The following UXS1 variants were observed in gnomAD, a reference collection of about 807,000 sequenced individuals.
The protein encoded by UXS1 is UDP-glucuronic acid decarboxylase 1.
In UXS1, 33 loss-of-function variants were observed where a neutral mutation model predicts 62.6. The observed-to-expected ratio is 0.53, with a 90% CI of 0.40 to 0.70. The LOEUF (loss-of-function observed/expected upper bound fraction) is 0.70. Ranked by LOEUF, UXS1 falls within the 30% of genes least tolerant of loss-of-function variation. The pLI, the probability that UXS1 is intolerant of heterozygous loss-of-function variation, is 0.00. For missense variants in UXS1, 434 were observed against 556.3 expected (o/e 0.78, Z 2.21); for synonymous variants, 213 against 206.8 (o/e 1.03, Z -0.26).
chr2:106,186,095 T>C (rs905405625), intron 1 of UXS1, among the ~76,000 whole-genome samples: 1 of 152,158 alleles, frequency 6.6e-6, no homozygotes, highest in Non-Finnish European at 1.5e-5. Flanking sequence ...TTTACAAAAT[T>C]AGAAAATCAC....
chr2:106,120,460 C>T (rs1351776187), intron 9 of UXS1, among the ~76,000 whole-genome samples: 1 of 152,186 alleles, frequency 6.6e-6, no homozygotes, highest in Non-Finnish European at 1.5e-5. Context: ...AATATCACAC[C>T]TGCTTACATG....
At chr2:106,112,520 T>G (rs928138570) in intron 10 of UXS1, 126 bp downstream of exon 10, 3 of 1,416,492 alleles carry the variant, frequency 2.1e-6, no homozygotes, top group African/African-American at 2.8e-5. Context: ...TAGTGGAGGG[T>G]AGCGGGTATA....
intron 1 of UXS1, among the ~76,000 whole-genome samples, chr2:106,178,705 G>A (rs1285664742): frequency 3.3e-5 from 5 of 152,080 alleles, no homozygotes; most frequent in Non-Finnish European, 7.4e-5. Flanking sequence ...GGCCCATGGG[G>A]CACACCCTGC....
rs1679875092 is a variant in UXS1, at chr2:106,125,631, T to G, written c.626A>C (p.Glu209Ala). Reference protein sequence around the residue: ...GARLLLASTSEVYGDPEVHPQ... With the variant: ...GARLLLASTSAVYGDPEVHPQ... ...AGCCTCCTACTCACCTCCATACACC[T>G]CCGATGTGGAGGCCAGGAGCAGACG... Residue 209 changes from glutamate to alanine, a missense_variant, in exon 8 of 15, where the codon GAG (glutamate) becomes GCG (alanine). Glu to Ala is a moderately radical substitution (Grantham distance 107, BLOSUM62 -1). This residue lies in a region of UXS1 where 134 missense variants were observed against 251.9 expected (regional missense o/e 0.53). Coordinates refer to ENST00000283148, the MANE Select transcript of UXS1 (RefSeq NM_001253875.2). 1 of 1,576,084 alleles carries G rather than the reference T, an allele frequency of 6.3e-7. No homozygotes were observed.
intron 5 of UXS1, among the ~76,000 whole-genome samples, chr2:106,148,950 T>C (rs546767042): frequency 6.6e-6 from 1 of 152,346 alleles, no homozygotes; most frequent in South Asian, 2.1e-4. Flanking sequence ...TGCTCGCTCT[T>C]GTGGGTGCCA....
intron 7 of UXS1, 126 bp downstream of exon 7, chr2:106,129,548 G>T: frequency 1.2e-6 from 1 of 800,628 alleles, no homozygotes. Context: ...AATACCACAA[G>T]CAGGGCAATA....
chr2:106,129,659 A>C lies in UXS1; in HGVS notation c.577+15T>G, dbSNP rs768829016. 3.1e-6 allele frequency: 5 copies of C among 1,591,708 alleles called. No individual in the cohort carries two copies. The Admixed American group carries it at 8.6e-5, about 27-fold the overall frequency. ...TCCCAGCAACAGCCAAAAAAACAAG[A>C]AAATGACAACTTACCCAACATGTTT... On this transcript the variant is annotated intron_variant, in intron 7 of 14. Coordinates refer to ENST00000283148, the MANE Select transcript of UXS1 (RefSeq NM_001253875.2).
At chr2:106,096,388 T>A (rs550388969) in intron 14 of UXS1, among the ~76,000 whole-genome samples, 6 of 152,336 alleles carry the variant, frequency 3.9e-5, no homozygotes, top group Middle Eastern at 6.8e-3. Context: ...AGTGTGAGTG[T>A]GTGGGAGACA....
At position 106,097,319 on chromosome 2, in the gene UXS1, C is replaced by T. The variant is rs376020727; in HGVS notation, c.1043-498G>A. On this transcript the variant is annotated intron_variant, in intron 13 of 14. Transcript: ENST00000283148. ...CCAGCTGGAGGGACCTCTCGGAGGA[C>T]GGCAAAGGCTGGCCTGTTCCACATC... 7.1e-5 allele frequency: 30 copies of T among 421,300 alleles called. 1 individual carries two copies. Among genetic ancestry groups the T allele is most frequent in the South Asian group, 2.0e-4 (12 of 58,820 alleles). 26.1% of individuals were successfully genotyped at this position (421,300 alleles called of 1,614,324 possible). A position where few individuals can be genotyped will look rare whatever the true frequency, so the allele number is the denominator to read the frequency against.
intron 14 of UXS1, among the ~76,000 whole-genome samples, chr2:106,095,423 A>C (rs747196216): frequency 2.0e-5 from 3 of 152,238 alleles, no homozygotes; most frequent in Non-Finnish European, 2.9e-5. Context: ...ACATGACAGA[A>C]TGAAATAAGG....
At chr2:106,141,073 C>T (rs988888126) in intron 6 of UXS1, among the ~76,000 whole-genome samples, 2 of 152,118 alleles carry the variant, frequency 1.3e-5, no homozygotes, top group Non-Finnish European at 2.9e-5. Flanking sequence ...ACCTAAAGAT[C>T]CAACAACACA....
chr2:106,184,029 T>C (rs901750541), intron 1 of UXS1, among the ~76,000 whole-genome samples: 1 of 151,962 alleles, frequency 6.6e-6, no homozygotes, highest in East Asian at 1.9e-4. Context: ...TCATCTCTAC[T>C]AAAAATACAA....
chr2:106,120,812 G>A (rs1259416968), intron 9 of UXS1, among the ~76,000 whole-genome samples: 1 of 152,208 alleles, frequency 6.6e-6, no homozygotes, highest in Non-Finnish European at 1.5e-5. Context: ...ACTCCAGGGT[G>A]GAAGGCACAT....
At chr2:106,130,890 T>TG (rs544685312) in intron 6 of UXS1, among the ~76,000 whole-genome samples, 153 of 152,024 alleles carry the variant, frequency 1.0e-3, no homozygotes, top group African/African-American at 3.6e-3. Flanking sequence ...AAGCCAAGTC[T>TG]GGGGGGGAGG....
chr2:106,119,209 G>A (rs62146208), intron 9 of UXS1, among the ~76,000 whole-genome samples: 2 of 152,186 alleles, frequency 1.3e-5, no homozygotes, highest in African/African-American at 2.4e-5. Context: ...ACAACTGTGC[G>A]AGCTGCAAAG....
At chr2:106,166,842 T>C (rs549331353) in intron 1 of UXS1, among the ~76,000 whole-genome samples, 1 of 152,290 alleles carries the variant, frequency 6.6e-6, no homozygotes, top group South Asian at 2.1e-4. Context: ...TGTGTTTTGA[T>C]AAACAGTATG....
chr2:106,109,564 A>G (rs1678407775), intron 10 of UXS1, among the ~76,000 whole-genome samples: 1 of 152,234 alleles, frequency 6.6e-6, no homozygotes, highest in Non-Finnish European at 1.5e-5. Flanking sequence ...TGAGTGCCAT[A>G]ACTGAACTGT....
At chr2:106,170,678 C>G (rs893678434) in intron 1 of UXS1, among the ~76,000 whole-genome samples, 1 of 152,210 alleles carries the variant, frequency 6.6e-6, no homozygotes, top group Admixed American at 6.5e-5. Context: ...CACACACACA[C>G]AGCAAAGCAG....
chr2:106,165,385 C>T (rs949733485), intron 2 of UXS1, among the ~76,000 whole-genome samples: 1 of 152,168 alleles, frequency 6.6e-6, no homozygotes, highest in South Asian at 2.1e-4. Flanking sequence ...CATTACAATA[C>T]CAACCTAATC....
Sources: allele counts gnomAD v4.1 joint callset (sites outside exome capture counted in the v4.1 genomes callset), GRCh38; gene constraint gnomAD v4.1.1; regional missense constraint gnomAD v4.1.1; transcripts MANE v1.5; gene names NCBI Gene and HGNC (gene_info 2026-07-23, HGNC 2026-07-21).